The following PTPRT variants were observed in gnomAD, a reference collection of about 807,000 sequenced individuals.
PTPRT encodes receptor-type tyrosine-protein phosphatase T.
A neutral mutation model predicts 176.8 loss-of-function variants in PTPRT; 56 were observed. The ratio of observed to expected loss-of-function variants is 0.32; its 90% confidence interval spans 0.26 to 0.40. The LOEUF is 0.40. Among genes scored for constraint, PTPRT ranks in the 10% least tolerant of loss-of-function variants. The probability of loss-of-function intolerance (pLI) is 1.00; values close to 1 mark genes in which losing one functional copy is unlikely to be tolerated. For synonymous variants in PTPRT, 783 were observed against 739.0 expected, an observed-to-expected ratio of 1.06 and a Z score of -0.96; for missense variants, 1,540 against 1,908.2, an observed-to-expected ratio of 0.81 and a Z score of 3.60.
intron 7 of PTPRT, among the ~76,000 whole-genome samples, chr20:42,537,731 G>C (rs963176984): frequency 2.6e-5 from 4 of 152,186 alleles, no homozygotes; most frequent in African/African-American, 9.7e-5. Context: ...CGTGCTCCCT[G>C]TTTTCATGGC....
chr20:42,693,324 C>A (rs1282785256), intron 6 of PTPRT, among the ~76,000 whole-genome samples: 2 of 152,136 alleles, frequency 1.3e-5, no homozygotes, highest in Non-Finnish European at 2.9e-5. Context: ...AATAAAATAT[C>A]TGTCAGGCTT....
At chr20:42,218,188 T>C (rs965746769) in intron 15 of PTPRT, among the ~76,000 whole-genome samples, 2 of 152,192 alleles carry the variant, frequency 1.3e-5, no homozygotes, top group South Asian at 2.1e-4. Flanking sequence ...ATTAAAATGA[T>C]GGAGGGCCAT....
chr20:42,348,148 T>C (rs2058222602), intron 11 of PTPRT, among the ~76,000 whole-genome samples: 2 of 152,260 alleles, frequency 1.3e-5, no homozygotes, highest in South Asian at 4.1e-4. Flanking sequence ...ATAACTGAAA[T>C]CCATTGTGAT....
intron 13 of PTPRT, among the ~76,000 whole-genome samples, chr20:42,259,434 A>C (rs1003072597): frequency 6.6e-6 from 1 of 152,146 alleles, no homozygotes; most frequent in African/African-American, 2.4e-5. Context: ...TATCCTTTTA[A>C]AGGTTTCACC....
rs1600448415 is a variant in PTPRT at position 42,075,955 on chromosome 20, C to T, written c.*4924G>A. The stretch of plus-strand genomic sequence containing the variant: ...GAAGTGACCATTTTGCTAAATAAGT[C>T]ATCTGCATCCTCGGTTCTGAGTATT... On this transcript the variant is annotated 3_prime_UTR_variant, in exon 31 of 31. Coordinates refer to ENST00000373187, the MANE Select transcript of PTPRT (RefSeq NM_007050.6). The T allele has an allele frequency of 4.5e-6, 1 of 221,182 alleles. No homozygotes were observed. The highest frequency in any genetic ancestry group is 6.6e-5 in the East Asian group (1 of 15,194). 13.7% of individuals were successfully genotyped at this position (221,182 alleles called of 1,614,324 possible). A position where few individuals can be genotyped will look rare whatever the true frequency, so the allele number is the denominator to read the frequency against.
intron 15 of PTPRT, among the ~76,000 whole-genome samples, chr20:42,209,539 AAATCT>A (rs2055565159): frequency 6.6e-6 from 1 of 152,232 alleles, no homozygotes; most frequent in Non-Finnish European, 1.5e-5. Flanking sequence ...ATGAACTAGA[AAATCT>A]AGAAGAAATG....
intron 3 of PTPRT, among the ~76,000 whole-genome samples, chr20:42,789,661 G>C (rs555438600): frequency 6.6e-6 from 1 of 152,198 alleles, no homozygotes; most frequent in Non-Finnish European, 1.5e-5. Flanking sequence ...CCCTATTTCT[G>C]AAAGGAGTTT....
At position 42,775,835 on chromosome 20, in the gene PTPRT, A is replaced by C. The variant is rs74738767; in HGVS notation, c.569-4285T>G. 9.5e-3 allele frequency among the ~76,000 whole-genome samples: 1,444 copies of C among 152,362 alleles called. 32 individuals carry two copies. The highest frequency in any genetic ancestry group is 0.033 in the African/African-American group (1,357 of 41,586). On this transcript the variant is annotated intron_variant, in intron 4 of 30. Coordinates refer to ENST00000373187, the MANE Select transcript of PTPRT (RefSeq NM_007050.6). Reference sequence around the variant, plus strand: ...TATGTTTTAGAGGACAGAAAGGGATAATTAAAAAGACTTTATGTCCACAGG... The same window carrying C: ...TATGTTTTAGAGGACAGAAAGGGATCATTAAAAAGACTTTATGTCCACAGG...
chr20:43,119,118 T>A (rs1201131165), intron 1 of PTPRT, among the ~76,000 whole-genome samples: 1 of 152,220 alleles, frequency 6.6e-6, no homozygotes. Context: ...TATGTAATGA[T>A]ATTGGAAATG....
intron 7 of PTPRT, among the ~76,000 whole-genome samples, chr20:42,593,135 G>C (rs1003252411): frequency 6.6e-6 from 1 of 152,164 alleles, no homozygotes; most frequent in Non-Finnish European, 1.5e-5. Flanking sequence ...GCCTTTGCAT[G>C]ACTTTGGTCT....
rs368225918 is a variant in PTPRT, at chr20:43,139,275, A to AT, written c.88+50370dup. ...CCCACTCGATTGTTGTTAAATCTTG[A>AT]TTTTTTTCTGTTTTCGCTTACATGG... On this transcript the variant is annotated intron_variant, in intron 1 of 30. Transcript: ENST00000373187. Among the ~76,000 whole-genome samples the AT allele has an allele frequency of 4.0e-5, 6 of 151,750 alleles. No homozygotes were observed. In the South Asian group the frequency reaches 8.4e-4, roughly 21 times the overall value.
At chr20:42,913,251 A>C (rs1978515490) in intron 1 of PTPRT, among the ~76,000 whole-genome samples, 1 of 152,204 alleles carries the variant, frequency 6.6e-6, no homozygotes, top group Non-Finnish European at 1.5e-5. Flanking sequence ...ATTATCTTAC[A>C]GTTCTGGAAG....
intron 7 of PTPRT, among the ~76,000 whole-genome samples, chr20:42,632,707 T>C (rs181191416): frequency 9.3e-4 from 140 of 150,490 alleles, no homozygotes; most frequent in African/African-American, 3.1e-3. Flanking sequence ...ACTATATTAA[T>C]ATATATCTTT....
rs2078813527 is a variant in PTPRT, at chr20:42,869,786, G to C, written c.214+16021C>G. Among the ~76,000 whole-genome samples the C allele has an allele frequency of 2.0e-5, 3 of 152,226 alleles. No individual in the cohort carries two copies. In the South Asian group the frequency reaches 6.2e-4, roughly 32 times the overall value. Reference sequence around the variant, plus strand: ...TGGAGGAGAACGCTGTGGCTTAAGTGCAGGTGTACCTGCAAAATTCACATG... The same window carrying C: ...TGGAGGAGAACGCTGTGGCTTAAGTCCAGGTGTACCTGCAAAATTCACATG... On this transcript the variant is annotated intron_variant, in intron 2 of 30. Coordinates refer to ENST00000373187, the MANE Select transcript of PTPRT (RefSeq NM_007050.6).
intron 7 of PTPRT, among the ~76,000 whole-genome samples, chr20:42,677,555 A>G (rs1290625130): frequency 6.6e-6 from 1 of 152,176 alleles, no homozygotes. Flanking sequence ...TGGAAGACAC[A>G]GAGCCAGTGT....
At chr20:43,011,552 G>A (rs901966623) in intron 1 of PTPRT, among the ~76,000 whole-genome samples, 2 of 152,180 alleles carry the variant, frequency 1.3e-5, no homozygotes, top group African/African-American at 4.8e-5. Context: ...GCCTTTTATT[G>A]TTGCTCCTAC....
chr20:43,123,604 G>T (rs142720566), intron 1 of PTPRT, among the ~76,000 whole-genome samples: 20 of 152,320 alleles, frequency 1.3e-4, no homozygotes, highest in African/African-American at 4.8e-4. Flanking sequence ...GAAAGAGCCT[G>T]GGACCCTTTC....
intron 2 of PTPRT, among the ~76,000 whole-genome samples, chr20:42,859,933 A>G (rs1421281560): frequency 1.3e-5 from 2 of 152,050 alleles, no homozygotes; most frequent in African/African-American, 4.8e-5. Flanking sequence ...GTTCTTAGGG[A>G]CAAAGATATA....
intron 1 of PTPRT, among the ~76,000 whole-genome samples, chr20:42,945,719 T>C (rs1437145097): frequency 6.6e-6 from 1 of 152,196 alleles, no homozygotes; most frequent in African/African-American, 2.4e-5. Context: ...TCGCTCTTAA[T>C]GAGGTAAAAT....
Sources: allele counts gnomAD v4.1 joint callset (sites outside exome capture counted in the v4.1 genomes callset), GRCh38; gene constraint gnomAD v4.1.1; transcripts MANE v1.5; gene names NCBI Gene and HGNC (gene_info 2026-07-23, HGNC 2026-07-21).